Variants in TENM3 observed in about 807,000 individuals in gnomAD.
The protein encoded by TENM3 is teneurin-3.
A neutral mutation model predicts 255.1 loss-of-function variants in TENM3; 63 were observed. The observed-to-expected ratio is 0.25, with a 90% confidence interval of 0.20 to 0.30. The LOEUF (loss-of-function observed/expected upper bound fraction) is 0.30. Ranked by LOEUF, TENM3 falls within the 10% of genes least tolerant of loss-of-function variation. TENM3 has a pLI of 1.00. For missense variants in TENM3, 2,929 were observed against 3,461.1 expected, an observed-to-expected ratio of 0.85 and a Z score of 3.86; for synonymous variants, 1,306 against 1,322.3, an observed-to-expected ratio of 0.99 and a Z score of 0.27.
intron 16 of TENM3, among the ~76,000 whole-genome samples, chr4:182,733,357 T>C (rs1381074554): frequency 6.6e-6 from 1 of 152,210 alleles, no homozygotes; most frequent in East Asian, 1.9e-4. Flanking sequence ...CCATTGAAGG[T>C]GTTTAAGCAG....
chr4:182,575,627 C>A (rs1744840395), intron 3 of TENM3, among the ~76,000 whole-genome samples: 1 of 152,152 alleles, frequency 6.6e-6, no homozygotes, highest in South Asian at 2.1e-4. Context: ...AGCTTATTTT[C>A]TGTCCTCATG....
At chr4:182,771,844 G>A (rs761165596) in intron 22 of TENM3, among the ~76,000 whole-genome samples, 1 of 152,148 alleles carries the variant, frequency 6.6e-6, no homozygotes, top group African/African-American at 2.4e-5. Context: ...CTTCAGCTCT[G>A]CCTTTTGTGA....
chr4:182,387,781 CATCCGAACAT>C (rs1768075950), intron 3 of TENM3, among the ~76,000 whole-genome samples: 1 of 151,894 alleles, frequency 6.6e-6, no homozygotes, highest in African/African-American at 2.4e-5. Context: ...ACTCCGAACA[CATCCGAACAT>C]CAGAAGGGAC....
chr4:181,748,537 A>C, the TENM3 span, among the ~76,000 whole-genome samples: 1 of 152,224 alleles, frequency 6.6e-6, no homozygotes. Context: ...TCCTAACACA[A>C]AATATTTTGT....
intron 1 of TENM3, among the ~76,000 whole-genome samples, chr4:182,216,357 C>T (rs986710899): frequency 3.3e-5 from 5 of 152,228 alleles, no homozygotes; most frequent in Admixed American, 6.5e-5. Flanking sequence ...AGCCTAATTT[C>T]GGCTCGTTCA....
chr4:181,727,725 A>G, the TENM3 span, among the ~76,000 whole-genome samples: 34 of 152,222 alleles, frequency 2.2e-4, no homozygotes, highest in Non-Finnish European at 3.7e-4. Context: ...TAAATGCATT[A>G]TTAAGCCTCC....
chr4:182,252,047 G>A (rs911908235), intron 1 of TENM3, among the ~76,000 whole-genome samples: 2 of 152,046 alleles, frequency 1.3e-5, no homozygotes, highest in African/African-American at 4.8e-5. Flanking sequence ...GCTGGGTGTG[G>A]TGGTACATGC....
At chr4:181,721,686 A>G in the TENM3 span, among the ~76,000 whole-genome samples, 1 of 151,288 alleles carries the variant, frequency 6.6e-6, no homozygotes, top group African/African-American at 2.4e-5. Flanking sequence ...GGAAGATGGA[A>G]GTCAAACCTA....
the TENM3 span, among the ~76,000 whole-genome samples, chr4:181,957,618 T>A: frequency 2.0e-5 from 3 of 152,178 alleles, no homozygotes; most frequent in Non-Finnish European, 4.4e-5. Flanking sequence ...ATCATTGCTG[T>A]GAACTACTGT....
intron 1 of TENM3, 75 bp from the exon 2 acceptor site, chr4:182,323,871 A>T (rs1763219386): frequency 1.6e-6 from 1 of 628,692 alleles, no homozygotes; most frequent in South Asian, 2.0e-5. Context: ...ACCATCCCAG[A>T]TTGAGAAGGG....
At chr4:182,415,935 C>T (rs1226986715) in intron 3 of TENM3, among the ~76,000 whole-genome samples, 9 of 151,930 alleles carry the variant, frequency 5.9e-5, no homozygotes, top group Admixed American at 2.6e-4. Context: ...TCCTGAGACA[C>T]CTTATAATAA....
the TENM3 span, among the ~76,000 whole-genome samples, chr4:181,546,360 A>C: frequency 6.6e-6 from 1 of 152,170 alleles, no homozygotes; most frequent in Non-Finnish European, 1.5e-5. Context: ...TCTTCTGATT[A>C]ATTTACCATT....
chr4:182,254,234 T>C (rs1758225751), intron 1 of TENM3, among the ~76,000 whole-genome samples: 1 of 152,066 alleles, frequency 6.6e-6, no homozygotes, highest in South Asian at 2.1e-4. Flanking sequence ...TGGAAGACTT[T>C]GGGTGGCTTC....
chr4:182,047,686 G>A, the TENM3 span, among the ~76,000 whole-genome samples: 1 of 151,590 alleles, frequency 6.6e-6, no homozygotes, highest in East Asian at 1.9e-4. Flanking sequence ...TATTCTTAAC[G>A]TTGTGTAGAG....
At chr4:181,891,353 C>T in the TENM3 span, among the ~76,000 whole-genome samples, 1 of 152,122 alleles carries the variant, frequency 6.6e-6, no homozygotes, top group Admixed American at 6.6e-5. Context: ...CTAAACAACC[C>T]AGTTAATCTA....
chr4:181,703,033 G>A, the TENM3 span, among the ~76,000 whole-genome samples: 1 of 152,172 alleles, frequency 6.6e-6, no homozygotes, highest in African/African-American at 2.4e-5. Flanking sequence ...TCATCATCGG[G>A]ATTTTATGGA....
chr4:182,731,839 T>C (rs980957695), intron 16 of TENM3, among the ~76,000 whole-genome samples: 6 of 151,148 alleles, frequency 4.0e-5, no homozygotes, highest in Admixed American at 6.6e-5. Flanking sequence ...TGGAGTGCAG[T>C]GGCACGATCT....
At chr4:181,643,676 T>A in the TENM3 span, among the ~76,000 whole-genome samples, 11 of 152,128 alleles carry the variant, frequency 7.2e-5, no homozygotes, top group African/African-American at 2.7e-4. Flanking sequence ...GGGTCAATAA[T>A]TACAACATTA....
the TENM3 span, among the ~76,000 whole-genome samples, chr4:182,090,662 A>G: frequency 2.6e-5 from 4 of 152,206 alleles, no homozygotes; most frequent in Admixed American, 2.6e-4. Context: ...GTATGTTCAG[A>G]GAATGACATT....
Sources: allele counts gnomAD v4.1 joint callset (sites outside exome capture counted in the v4.1 genomes callset), GRCh38; gene constraint gnomAD v4.1.1; transcripts MANE v1.5; gene names NCBI Gene and HGNC (gene_info 2026-07-23, HGNC 2026-07-21).